OXA1L: variants seen among roughly 807,000 people sequenced by gnomAD.
The protein encoded by OXA1L is mitochondrial inner membrane protein OXA1L.
In OXA1L, 42 loss-of-function variants were observed where a neutral mutation model predicts 52.2. The ratio of observed to expected loss-of-function variants is 0.80; its 90% confidence interval spans 0.63 to 1.04. OXA1L has a LOEUF of 1.04. Among genes scored for constraint, OXA1L ranks in the 50% least tolerant of loss-of-function variants. OXA1L has a pLI of 0.00. For missense variants in OXA1L, 572 were observed against 555.0 expected, an observed-to-expected ratio of 1.03 and a Z score of -0.31; for synonymous variants, 239 against 201.9, an observed-to-expected ratio of 1.18 and a Z score of -1.56.
In OXA1L at chr14:22,767,303, T is replaced by C. The variant is rs2038415924; in HGVS notation, c.119T>C (p.Leu40Pro). 6.2e-7 allele frequency: 1 copy of C among 1,613,514 alleles called. No individual in the cohort carries two copies. Among genetic ancestry groups the C allele is most frequent in the Non-Finnish European group, 8.5e-7 (1 of 1,179,848 alleles). ...CTTGGGAAACCGCTGACCACACGGC[T>C]CCTATTCCCAGCAGCCCCGTGCTGC... is the stretch of plus-strand genomic sequence containing the variant. ...QWLGKPLTTR[L>P]LFPAAPCCCR... is the part of the protein sequence containing the mutation. Residue 40 changes from leucine to proline, a missense_variant, in exon 2 of 10, where the codon CTC becomes CCC. Physicochemically the swap from Leu to Pro is moderately conservative, Grantham distance 98. Coordinates refer to ENST00000612549, the MANE Select transcript of OXA1L (RefSeq NM_005015.5).
chr14:22,766,707 G>A lies in OXA1L; in HGVS notation c.6G>A (p.Ala2=). Residue 2 remains alanine, a synonymous_variant, in exon 1 of 10, where the codon GCG becomes GCA. Transcript: ENST00000612549. ...CAAGTCCTCTTCCGGGCAAAATGGC[G>A]ATGGGACTAATGTGCGGACGCCGGG... is the stretch of plus-strand genomic sequence containing the variant. The part of the protein sequence containing the change: M[A]MGLMCGRREL... 1.2e-6 allele frequency: 2 copies of A among 1,614,274 alleles called. No individual in the cohort carries two copies. Among genetic ancestry groups the A allele is most frequent in the Non-Finnish European group, 8.5e-7 (1 of 1,180,054 alleles).
Position 22,771,874 on chromosome 14 carries a change from T to TGG in OXA1L, c.*317_*318dup, listed in dbSNP as rs2038469708. ...CAGCATTTTGGGAGGCCGAGGTGGG[T>TGG]GGATCACCTGAGATCAGGAGTTTGA... On this transcript the variant is annotated 3_prime_UTR_variant, in exon 10 of 10. Coordinates refer to ENST00000612549, the MANE Select transcript of OXA1L (RefSeq NM_005015.5). 3.8e-6 allele frequency: 1 copy of TGG among 265,686 alleles called. No homozygotes were observed. Among genetic ancestry groups the TGG allele is most frequent in the African/African-American group, 2.2e-5 (1 of 45,370 alleles). The allele number at this position is 265,686 out of a possible 1,614,324, so 16.5% of individuals were successfully genotyped here.
chr14:22,772,361 T>C lies in OXA1L; in HGVS notation c.*803T>C, dbSNP rs36046611. On this transcript the variant is annotated 3_prime_UTR_variant, in exon 10 of 10. Transcript: ENST00000612549. Reference sequence around the variant, plus strand: ...AAAATTAGCCGGGCATGGCGGCGGGTGCCTGTATTCCCAGCTACTTGGGAG... The same window carrying C: ...AAAATTAGCCGGGCATGGCGGCGGGCGCCTGTATTCCCAGCTACTTGGGAG... 0.092 allele frequency: 13,204 copies of C among 144,248 alleles called. 759 individuals are homozygous for C. The highest frequency in any genetic ancestry group is 0.13 in the Non-Finnish European group (8,933 of 66,204). The allele number at this position is 144,248 out of a possible 1,614,324, so 8.9% of individuals were successfully genotyped here. A position where few individuals can be genotyped will look rare whatever the true frequency, so the allele number is the denominator to read the frequency against.
chr14:22,767,807 C>A lies in OXA1L; in HGVS notation c.226-151C>A, dbSNP rs1306608127. On this transcript the variant is annotated intron_variant, in intron 2 of 9. Coordinates refer to ENST00000612549, the MANE Select transcript of OXA1L (RefSeq NM_005015.5). ...CTAACTATTGATAAAAATGAGATGT[C>A]CTTTTTAAGCTTGAAATCTGCAGAC... 9 of 583,234 alleles carry A rather than the reference C, an allele frequency of 1.5e-5. No homozygotes were observed. The African/African-American group carries it at 1.7e-4, about 11-fold the overall frequency. 36.1% of individuals were successfully genotyped at this position (583,234 alleles called of 1,614,324 possible).
rs1208728761 is a variant in OXA1L at position 22,766,731 on chromosome 14, G to A, written c.30G>A (p.Arg10=). 6.2e-7 allele frequency: 1 copy of A among 1,614,258 alleles called. No homozygotes were observed. The highest frequency in any genetic ancestry group is 2.2e-5 in the East Asian group (1 of 44,884). The change falls in exon 1 of 10, where the codon CGG becomes CGA. Residue 10 remains arginine (R), a synonymous_variant. Transcript: ENST00000612549. Reference sequence around the variant, plus strand: ...CGATGGGACTAATGTGCGGACGCCGGGAGCTTCTGCGCTTGCTACAGTCCG... The same window carrying A: ...CGATGGGACTAATGTGCGGACGCCGAGAGCTTCTGCGCTTGCTACAGTCCG... The part of the protein sequence containing the change: MAMGLMCGR[R]ELLRLLQSGR...
chr14:22,771,236 T>A (rs772772177), intron 8 of OXA1L, 32 bp from the exon 9 acceptor site: 1 of 1,613,078 alleles, frequency 6.2e-7, no homozygotes, highest in Non-Finnish European at 8.5e-7. Flanking sequence ...AAAATAGGAA[T>A]GCAACTGACT....
intron 5 of OXA1L, 71 bp downstream of exon 5, chr14:22,770,349 C>T: frequency 6.6e-7 from 1 of 1,519,978 alleles, no homozygotes; most frequent in South Asian, 1.1e-5. Flanking sequence ...TTCATGTGTC[C>T]CAGGTCCCCC....
Position 22,772,023 on chromosome 14 carries a change from G to A in OXA1L, c.*465G>A, listed in dbSNP as rs146774215. ...TGAGGCAGGAGAATTGCTTGAATCCGAGAGGCGGAGGTTGCAGTGAGCCAA... is the reference window on the plus strand; with the variant it reads ...TGAGGCAGGAGAATTGCTTGAATCCAAGAGGCGGAGGTTGCAGTGAGCCAA... On this transcript the variant is annotated 3_prime_UTR_variant, in exon 10 of 10. Transcript: ENST00000612549. The A allele has an allele frequency of 3.4e-3, 543 of 159,364 alleles. 3 individuals carry two copies. Among genetic ancestry groups the A allele is most frequent in the African/African-American group, 0.011 (476 of 41,460 alleles). 9.9% of individuals were successfully genotyped at this position (159,364 alleles called of 1,614,324 possible).
At chr14:22,768,254 C>A in intron 3 of OXA1L, 83 bp downstream of exon 3, 2 of 1,107,602 alleles carry the variant, frequency 1.8e-6, no homozygotes, top group Non-Finnish European at 2.7e-6. Context: ...GAAGTAGTTG[C>A]AGAAGCTCTG....
In OXA1L at chr14:22,772,147, C is replaced by G; in HGVS notation, c.*589C>G. On this transcript the variant is annotated 3_prime_UTR_variant, in exon 10 of 10. Transcript: ENST00000612549. ...AGTGAGTCATGATTGCTTTTGCTGG[C>G]CCATGGCCTTGGAAAATATAATGTT... 6.6e-6 allele frequency: 1 copy of G among 152,110 alleles called. No individual in the cohort carries two copies. The highest frequency in any genetic ancestry group is 1.5e-5 in the Non-Finnish European group (1 of 68,444). The allele number at this position is 152,110 out of a possible 1,614,324, so 9.4% of individuals were successfully genotyped here. A position where few individuals can be genotyped will look rare whatever the true frequency, so the allele number is the denominator to read the frequency against.
Position 22,768,140 on chromosome 14 carries a change from G to C in OXA1L, c.408G>C (p.Leu136=). The change falls in exon 3 of 10, where the codon CTG becomes CTC. Residue 136 remains leucine (L), a synonymous_variant. Transcript: ENST00000612549. ...TACTGGAATTTATGCATGTTGATCTGGGCCTACCTTGGTGGGGGGCCATTG... is the reference window on the plus strand; with the variant it reads ...TACTGGAATTTATGCATGTTGATCTCGGCCTACCTTGGTGGGGGGCCATTG... The part of the protein sequence containing the change: ...QNLLEFMHVD[L]GLPWWGAIAA... The C allele has an allele frequency of 1.2e-6, 2 of 1,614,160 alleles. No individual in the cohort carries two copies.
Position 22,772,253 on chromosome 14 carries a change from G to C in OXA1L, c.*695G>C, listed in dbSNP as rs1260812406. 1 of 151,418 alleles carries C rather than the reference G, an allele frequency of 6.6e-6. No homozygotes were observed. Among genetic ancestry groups the C allele is most frequent in the Admixed American group, 6.6e-5 (1 of 15,178 alleles). 9.4% of individuals were successfully genotyped at this position (151,418 alleles called of 1,614,324 possible). A position where few individuals can be genotyped will look rare whatever the true frequency, so the allele number is the denominator to read the frequency against. On this transcript the variant is annotated 3_prime_UTR_variant, in exon 10 of 10. Transcript: ENST00000612549. The stretch of plus-strand genomic sequence containing the variant: ...AATCCCAGCACTTTTGGGAGGCCAA[G>C]GCGGGCGGATCACGAAGTCAGCAGA...
In OXA1L at chr14:22,771,547, A is replaced by G. The variant is rs1233240578; in HGVS notation, c.1297A>G (p.Thr433Ala). 3 of 1,614,170 alleles carry G rather than the reference A, an allele frequency of 1.9e-6. No homozygotes were observed. The highest frequency in any genetic ancestry group is 2.2e-5 in the South Asian group (2 of 91,088). The change falls in exon 10 of 10, where the codon ACA (threonine) becomes GCA (alanine). Residue 433 changes from threonine (T) to alanine (A), a missense_variant. Transcript: ENST00000612549. Reference protein sequence around the residue: ...KPKSKYPWHDTLG With the variant: ...KPKSKYPWHDALG ...AAAGTCAAAGTATCCCTGGCACGAC[A>G]CACTTGGCTGACTTATGTTCTGTGC...
At chr14:22,767,190 C>A in intron 1 of OXA1L, 58 bp from the exon 2 acceptor site, 2 of 1,569,582 alleles carry the variant, frequency 1.3e-6, no homozygotes, top group Non-Finnish European at 1.7e-6. Context: ...CCCGTTTGCA[C>A]CCACGCGAGG....
chr14:22,770,156 C>T (rs368767236), intron 4 of OXA1L, 37 bp from the exon 5 acceptor site: 1 of 1,477,304 alleles, frequency 6.8e-7, no homozygotes, highest in Non-Finnish European at 9.5e-7. Context: ...ACTGATGTAA[C>T]TGTTACCCCA....
In OXA1L at chr14:22,771,617, AC is replaced by A; in HGVS notation, c.*60del. 2 of 1,559,844 alleles carry A rather than the reference AC, an allele frequency of 1.3e-6. No homozygotes were observed. Among genetic ancestry groups the A allele is most frequent in the Non-Finnish European group, 1.8e-6 (2 of 1,131,960 alleles). On this transcript the variant is annotated 3_prime_UTR_variant, in exon 10 of 10. Transcript: ENST00000612549. ...GTCTCTTCAGAGACTCATCCTCAAA[AC>A]AAGACTTGACACTGTGTCCTTGCCC...
Position 22,771,800 on chromosome 14 carries a change from C to T in OXA1L, c.*242C>T. 2.0e-6 allele frequency: 1 copy of T among 494,482 alleles called. No homozygotes were observed. The highest frequency in any genetic ancestry group is 3.6e-6 in the Non-Finnish European group (1 of 276,704). 30.6% of individuals were successfully genotyped at this position (494,482 alleles called of 1,614,324 possible). A position where few individuals can be genotyped will look rare whatever the true frequency, so the allele number is the denominator to read the frequency against. ...CTGTACTACATGCTGCTTCCTGATACTTATTGAACAGGGAAATCAGTGTGC... is the reference window on the plus strand; with the variant it reads ...CTGTACTACATGCTGCTTCCTGATATTTATTGAACAGGGAAATCAGTGTGC... On this transcript the variant is annotated 3_prime_UTR_variant, in exon 10 of 10. Transcript: ENST00000612549.
intron 1 of OXA1L, 171 bp from the exon 2 acceptor site, chr14:22,767,077 A>C (rs1433764469): frequency 6.5e-7 from 1 of 1,536,302 alleles, no homozygotes; most frequent in Admixed American, 2.0e-5. Context: ...TGCAGGCACC[A>C]CCCGCTGCAT....
At position 22,772,488 on chromosome 14, in the gene OXA1L, C is replaced by CAAAAAAAAAAAAAAAAAAAAAAA. The variant is rs56136068; in HGVS notation, c.*939_*961dup. The CAAAAAAAAAAAAAAAAAAAAAAA allele has an allele frequency of 3.9e-5, 3 of 76,002 alleles. No homozygotes were observed. Among genetic ancestry groups the CAAAAAAAAAAAAAAAAAAAAAAA allele is most frequent in the African/African-American group, 1.9e-4 (3 of 15,980 alleles). The allele number at this position is 76,002 out of a possible 1,614,324, so 4.7% of individuals were successfully genotyped here. ...TGGGCAAGAGAGTGAGACTCCTTCT[C>CAAAAAAAAAAAAAAAAAAAAAAA]AAAAAAAAAAAAAAAAAAAAAAAAA... On this transcript the variant is annotated 3_prime_UTR_variant, in exon 10 of 10. Transcript: ENST00000612549.
Sources: allele counts gnomAD v4.1 joint callset, GRCh38; gene constraint gnomAD v4.1.1; transcripts MANE v1.5; gene names NCBI Gene and HGNC (gene_info 2026-07-23, HGNC 2026-07-21).